Variants in DLGAP2 observed in about 807,000 individuals in gnomAD.
The protein encoded by DLGAP2 is DLG associated protein 2.
In DLGAP2, 26 loss-of-function variants were observed where a neutral mutation model predicts 100.3. That is an observed-to-expected ratio of 0.26 (90% CI 0.19 to 0.36). DLGAP2 has a LOEUF of 0.36. Ranked by LOEUF, DLGAP2 falls within the 10% of genes least tolerant of loss-of-function variation. The pLI is 1.00. For missense variants in DLGAP2, 1,858 were observed against 1,453.2 expected, an observed-to-expected ratio of 1.28 and a Z score of -4.53; for synonymous variants, 886 against 630.1, an observed-to-expected ratio of 1.41 and a Z score of -6.08.
Position 1,628,076 on chromosome 8 carries a change from G to C in DLGAP2, c.1590+1189G>C, listed in dbSNP as rs1329815841. Among the ~76,000 whole-genome samples the C allele has an allele frequency of 5.8e-5, 7 of 120,406 alleles. 1 individual carries two copies. Among genetic ancestry groups the C allele is most frequent in the Non-Finnish European group, 1.2e-4 (7 of 59,804 alleles). The allele number at this position is 120,406 out of a possible 152,430, so 79.0% of individuals were successfully genotyped here. A position where few individuals can be genotyped will look rare whatever the true frequency, so the allele number is the denominator to read the frequency against. On this transcript the variant is annotated intron_variant, in intron 7 of 14. Transcript: ENST00000637795. Reference sequence around the variant, plus strand: ...CTTGAGCCAACCTCACATTCTCTCTGACTTACTGTGGAGCAGGAATTAAGA... The same window carrying C: ...CTTGAGCCAACCTCACATTCTCTCTCACTTACTGTGGAGCAGGAATTAAGA...
intron 2 of DLGAP2, among the ~76,000 whole-genome samples, chr8:1,052,177 C>T (rs1265145354): frequency 6.6e-6 from 1 of 152,172 alleles, no homozygotes; most frequent in African/African-American, 2.4e-5. Flanking sequence ...GCCCGGCCGC[C>T]CTTCCTGGGC....
In DLGAP2 at chr8:1,511,569, A is replaced by C. The variant is rs563774909; in HGVS notation, c.172+10138A>C. 8.6e-5 allele frequency among the ~76,000 whole-genome samples: 13 copies of C among 151,746 alleles called. No individual in the cohort carries two copies. In the East Asian group the frequency reaches 2.5e-3, roughly 30 times the overall value. On this transcript the variant is annotated intron_variant, in intron 4 of 14. Coordinates refer to ENST00000637795, the MANE Select transcript of DLGAP2 (RefSeq NM_001346810.2). Reference sequence around the variant, plus strand: ...TCTTCCATGGACGTAAGTGCTGTCTAGTGTAAGACAGTCAATAGATGACCA... The same window carrying C: ...TCTTCCATGGACGTAAGTGCTGTCTCGTGTAAGACAGTCAATAGATGACCA...
At chr8:973,269 C>T (rs541719149) in intron 2 of DLGAP2, among the ~76,000 whole-genome samples, 16 of 147,478 alleles carry the variant, frequency 1.1e-4, no homozygotes, top group East Asian at 8.3e-4. Context: ...ACCTCCCTCC[C>T]GGACGGGGCA....
rs574797612 is a variant in DLGAP2, at chr8:737,787, C to T, written c.-21C>T. The T allele has an allele frequency of 1.2e-4, 47 of 378,784 alleles. No homozygotes were observed. Among genetic ancestry groups the T allele is most frequent in the African/African-American group, 9.2e-4 (44 of 47,768 alleles). The allele number at this position is 378,784 out of a possible 1,614,324, so 23.5% of individuals were successfully genotyped here. A position where few individuals can be genotyped will look rare whatever the true frequency, so the allele number is the denominator to read the frequency against. On this transcript the variant is annotated 5_prime_UTR_variant, in exon 1 of 15. Transcript: ENST00000637795. Reference sequence around the variant, plus strand: ...GCTTCGCCATGTCGCCCCGCACCTGCTGAGCCCGGAGCGTCCGAGGATGTC... The same window carrying T: ...GCTTCGCCATGTCGCCCCGCACCTGTTGAGCCCGGAGCGTCCGAGGATGTC...
intron 3 of DLGAP2, among the ~76,000 whole-genome samples, chr8:1,494,212 A>G (rs924843913): frequency 2.6e-5 from 4 of 152,366 alleles, no homozygotes; most frequent in Middle Eastern, 3.4e-3. Flanking sequence ...GTCTTTTCTT[A>G]TGAGCAATTT....
Position 1,032,042 on chromosome 8 carries a change from TC to T in DLGAP2, c.73+124078del, listed in dbSNP as rs1371587991. ...CTGATTACTGATGGCGTCAACATCT[TC>T]CATCCGGCTTATGATTCAAGGAGCA... On this transcript the variant is annotated intron_variant, in intron 2 of 14. Coordinates refer to ENST00000637795, the MANE Select transcript of DLGAP2 (RefSeq NM_001346810.2). Among the ~76,000 whole-genome samples the T allele has an allele frequency of 1.2e-4, 19 of 152,356 alleles. No homozygotes were observed. The South Asian group carries it at 3.9e-3, about 32-fold the overall frequency.
intron 1 of DLGAP2, among the ~76,000 whole-genome samples, chr8:801,394 A>G (rs1016119312): frequency 6.6e-6 from 1 of 152,110 alleles, no homozygotes; most frequent in South Asian, 2.1e-4. Context: ...TTGGGTTTGC[A>G]TAAGGCCCCG....
chr8:884,162 G>A, intron 1 of DLGAP2, among the ~76,000 whole-genome samples: 1 of 152,190 alleles, frequency 6.6e-6, no homozygotes. Context: ...ACCCAGTAAT[G>A]GGATTGCTGG....
At chr8:1,500,069 A>G (rs1304635155) in intron 3 of DLGAP2, among the ~76,000 whole-genome samples, 3 of 152,234 alleles carry the variant, frequency 2.0e-5, no homozygotes, top group Admixed American at 6.5e-5. Context: ...ATACATGCCT[A>G]GAGTCTGAAC....
At position 1,595,873 on chromosome 8, in the gene DLGAP2, A is replaced by G. The variant is rs141715339; in HGVS notation, c.1442+29979A>G. On this transcript the variant is annotated intron_variant, in intron 6 of 14. Coordinates refer to ENST00000637795, the MANE Select transcript of DLGAP2 (RefSeq NM_001346810.2). Reference sequence around the variant, plus strand: ...CTTTTTTTAATAGTAATTTTTTTTTAATTTTATTATTATTATACTTTAAGT... The same window carrying G: ...CTTTTTTTAATAGTAATTTTTTTTTGATTTTATTATTATTATACTTTAAGT... Among the ~76,000 whole-genome samples, 689 of 143,636 alleles carry G rather than the reference A, an allele frequency of 4.8e-3. 3 individuals carry two copies. Among genetic ancestry groups the G allele is most frequent in the African/African-American group, 0.016 (655 of 40,594 alleles). The allele number at this position is 143,636 out of a possible 152,430, so 94.2% of individuals were successfully genotyped here. A position where few individuals can be genotyped will look rare whatever the true frequency, so the allele number is the denominator to read the frequency against.
chr8:867,796 T>A (rs553479435), intron 1 of DLGAP2, among the ~76,000 whole-genome samples: 1 of 152,344 alleles, frequency 6.6e-6, no homozygotes, highest in African/African-American at 2.4e-5. Flanking sequence ...TGAATGATTC[T>A]GTTTTGAATA....
intron 2 of DLGAP2, among the ~76,000 whole-genome samples, chr8:1,246,283 A>G (rs1053773868): frequency 6.6e-6 from 1 of 152,216 alleles, no homozygotes; most frequent in African/African-American, 2.4e-5. Flanking sequence ...GTCAGTCTGG[A>G]CATATATAAA....
chr8:1,466,936 G>C (rs1419197272), intron 3 of DLGAP2, among the ~76,000 whole-genome samples: 1 of 152,086 alleles, frequency 6.6e-6, no homozygotes, highest in Non-Finnish European at 1.5e-5. Context: ...TAGTTTAAAA[G>C]AGAGCTAGTT....
At chr8:1,220,471 C>G (rs4602920) in intron 2 of DLGAP2, among the ~76,000 whole-genome samples, 34,356 of 151,914 alleles carry the variant, frequency 0.23, 4,593 homozygotes, top group East Asian at 0.43. Flanking sequence ...CAAGAGTGTG[C>G]TTGGTATGAT....
At chr8:1,546,563 C>T (rs1183244437) in intron 4 of DLGAP2, among the ~76,000 whole-genome samples, 1 of 152,216 alleles carries the variant, frequency 6.6e-6, no homozygotes, top group Admixed American at 6.5e-5. Flanking sequence ...ACTTGGTAAA[C>T]ATTATCAGCA....
rs1453442904 is a variant in DLGAP2, at chr8:1,478,813, T to C, written c.107-22553T>C. Among the ~76,000 whole-genome samples the C allele has an allele frequency of 2.6e-5, 4 of 152,182 alleles. No homozygotes were observed. In the East Asian group the frequency reaches 7.7e-4, roughly 29 times the overall value. ...CGGAAGGCTTGTGAATGGAGGGTCA[T>C]TATTCTAGCCCCCTCCTTGATGAAG... On this transcript the variant is annotated intron_variant, in intron 3 of 14. Transcript: ENST00000637795.
chr8:1,004,863 G>A (rs1011493527), intron 2 of DLGAP2, among the ~76,000 whole-genome samples: 3 of 152,192 alleles, frequency 2.0e-5, no homozygotes, highest in African/African-American at 4.8e-5. Flanking sequence ...ATCCTCAACT[G>A]TAGCAAAATG....
intron 2 of DLGAP2, among the ~76,000 whole-genome samples, chr8:959,669 G>T (rs188104073): frequency 1.4e-3 from 207 of 152,312 alleles, no homozygotes; most frequent in African/African-American, 5.0e-3. Flanking sequence ...ATGTGACATT[G>T]TGAGAGTTAA....
intron 1 of DLGAP2, among the ~76,000 whole-genome samples, chr8:756,609 A>C (rs1820926983): frequency 6.6e-6 from 1 of 151,922 alleles, no homozygotes; most frequent in South Asian, 2.1e-4. Context: ...TCAGGACAGA[A>C]CTCTGTTGAG....
Sources: gnomAD v4.1 joint callset for allele counts (sites outside exome capture counted in the v4.1 genomes callset) on GRCh38, gnomAD v4.1.1 for gene constraint, MANE v1.5 for transcripts, NCBI Gene and HGNC (gene_info 2026-07-23, HGNC 2026-07-21) for gene names.